IKZF1: variants seen among roughly 807,000 people sequenced by gnomAD.
The protein encoded by IKZF1 is IKAROS family zinc finger 1, also known as DNA-binding protein Ikaros.
Under a neutral mutation model 51.7 loss-of-function variants are expected in IKZF1, and 10 were observed. That is an observed-to-expected ratio of 0.19 (90% CI 0.12 to 0.33). The LOEUF (loss-of-function observed/expected upper bound fraction) is 0.33, where lower values mean the gene tolerates loss of function less well. Among genes scored for constraint, IKZF1 ranks in the 10% least tolerant of loss-of-function variants. The pLI is 1.00. For synonymous variants in IKZF1, 280 were observed against 282.3 expected (o/e 0.99, Z 0.08); for missense variants, 484 against 707.5 (o/e 0.68, Z 3.58).
intron 3 of IKZF1, among the ~76,000 whole-genome samples, chr7:50,347,215 A>G (rs898852736): frequency 4.6e-5 from 7 of 152,222 alleles, no homozygotes; most frequent in African/African-American, 1.4e-4. Flanking sequence ...CCACAGCTCC[A>G]TGAGATGCCT....
intron 3 of IKZF1, among the ~76,000 whole-genome samples, chr7:50,363,378 A>C (rs1266957804): frequency 6.6e-6 from 1 of 152,134 alleles, no homozygotes; most frequent in Admixed American, 6.5e-5. Context: ...GACCCTTGAC[A>C]TCTGAAAAGA....
chr7:50,355,779 G>A (rs974219769), intron 3 of IKZF1, among the ~76,000 whole-genome samples: 4 of 152,156 alleles, frequency 2.6e-5, no homozygotes, highest in Non-Finnish European at 2.9e-5. Flanking sequence ...TAAGGAAGAG[G>A]GAAAGCGGTG....
In IKZF1 at chr7:50,332,471, T is replaced by C. The variant is rs1320605007; in HGVS notation, c.160+4714T>C. Among the ~76,000 whole-genome samples, 4 of 151,660 alleles carry C rather than the reference T, an allele frequency of 2.6e-5. No individual in the cohort carries two copies. In the East Asian group the frequency reaches 7.8e-4, roughly 30 times the overall value. ...ATGAAATCAGGCAGCAGGGGAGGCG[T>C]TTGGGTGGGTGGAACAGAGGAGCAA... is the stretch of plus-strand genomic sequence containing the variant. On this transcript the variant is annotated intron_variant, in intron 3 of 7. Transcript: ENST00000331340.
chr7:50,376,429 A>G lies in IKZF1; in HGVS notation c.161-104A>G. ...TGGTATTTGCTAAGAACTTCTGTTT[A>G]GTAGCTCTCCACACCTATTTGATTG... On this transcript the variant is annotated intron_variant, in intron 3 of 7. Transcript: ENST00000331340. The surrounding 1 kb of genome is among the most constrained non-coding windows in gnomAD (Gnocchi z 4.5). The G allele has an allele frequency of 6.6e-7, 1 of 1,522,838 alleles. No homozygotes were observed. The allele number at this position is 1,522,838 out of a possible 1,614,324, so 94.3% of individuals were successfully genotyped here. A position where few individuals can be genotyped will look rare whatever the true frequency, so the allele number is the denominator to read the frequency against.
intron 7 of IKZF1, among the ~76,000 whole-genome samples, chr7:50,397,498 C>T (rs1817017890): frequency 1.3e-5 from 2 of 152,130 alleles, no homozygotes; most frequent in Non-Finnish European, 2.9e-5. Context: ...AGAACCATGA[C>T]TTGGGGAGAG....
intron 3 of IKZF1, among the ~76,000 whole-genome samples, chr7:50,365,077 G>A (rs1330114927): frequency 6.6e-6 from 1 of 152,198 alleles, no homozygotes; most frequent in African/African-American, 2.4e-5. Flanking sequence ...ATCTTCCAGT[G>A]CCTCTCAAGC....
At chr7:50,333,073 C>T (rs1314338479) in intron 3 of IKZF1, among the ~76,000 whole-genome samples, 2 of 146,768 alleles carry the variant, frequency 1.4e-5, no homozygotes, top group African/African-American at 5.3e-5. Context: ...TTGATTTACC[C>T]TAGCCTAATT....
chr7:50,336,343 C>T lies in IKZF1; in HGVS notation c.160+8586C>T, dbSNP rs918645417. 1.7e-4 allele frequency among the ~76,000 whole-genome samples: 26 copies of T among 152,134 alleles called. No homozygotes were observed. The East Asian group carries it at 4.9e-3, about 28-fold the overall frequency. ...ACGCATGTGCTGGTGAAGGGGCGTG[C>T]GTGGGGACCATGGGTCACATCTCGG... On this transcript the variant is annotated intron_variant, in intron 3 of 7. Coordinates refer to ENST00000331340, the MANE Select transcript of IKZF1 (RefSeq NM_006060.6).
chr7:50,314,582 A>G (rs950792517), intron 1 of IKZF1, among the ~76,000 whole-genome samples: 1 of 152,262 alleles, frequency 6.6e-6, no homozygotes, highest in Non-Finnish European at 1.5e-5. Context: ...GATTCTTGAC[A>G]GGCATCTATC....
chr7:50,386,814 C>G (rs1045706211), intron 5 of IKZF1, among the ~76,000 whole-genome samples: 1 of 152,134 alleles, frequency 6.6e-6, no homozygotes, highest in East Asian at 1.9e-4. Context: ...TTATTTCATT[C>G]AAGCATATTT....
At chr7:50,311,482 C>A (rs1473302194) in intron 1 of IKZF1, among the ~76,000 whole-genome samples, 1 of 152,156 alleles carries the variant, frequency 6.6e-6, no homozygotes, top group Non-Finnish European at 1.5e-5. Flanking sequence ...ATCATGACTT[C>A]AGGTTATTTT....
intron 3 of IKZF1, among the ~76,000 whole-genome samples, chr7:50,345,454 A>T (rs537328313): frequency 6.6e-6 from 1 of 152,090 alleles, no homozygotes; most frequent in South Asian, 2.1e-4. Flanking sequence ...CTTGCACCAC[A>T]CTCTAGGTTT....
At chr7:50,315,201 G>A (rs1483042807) in intron 1 of IKZF1, among the ~76,000 whole-genome samples, 2 of 152,222 alleles carry the variant, frequency 1.3e-5, no homozygotes, top group Non-Finnish European at 2.9e-5. Context: ...GAAAGGAGAA[G>A]GACAGAGAGA....
At chr7:50,392,695 G>A (rs1276972206) in intron 7 of IKZF1, among the ~76,000 whole-genome samples, 5 of 152,220 alleles carry the variant, frequency 3.3e-5, no homozygotes, top group Non-Finnish European at 7.3e-5. Context: ...GAATCCCTCG[G>A]TGTGAAGGTT....
intron 2 of IKZF1, among the ~76,000 whole-genome samples, chr7:50,323,536 A>T (rs1223834583): frequency 6.6e-6 from 1 of 152,238 alleles, no homozygotes; most frequent in Non-Finnish European, 1.5e-5. Flanking sequence ...TTTTCCCAGA[A>T]CACTTCTCAT....
At chr7:50,399,204 C>T (rs1273457245) in intron 7 of IKZF1, among the ~76,000 whole-genome samples, 1 of 152,202 alleles carries the variant, frequency 6.6e-6, no homozygotes, top group Non-Finnish European at 1.5e-5. Flanking sequence ...TACCCTCCAC[C>T]ACATGTTTCT....
chr7:50,325,707 C>T (rs756551133), intron 2 of IKZF1, among the ~76,000 whole-genome samples: 1 of 151,402 alleles, frequency 6.6e-6, no homozygotes, highest in Non-Finnish European at 1.5e-5. Flanking sequence ...CCTGGGAGGC[C>T]GAGCTTGCAG....
rs1490513744 is a variant in IKZF1, at chr7:50,389,336, T to C, written c.715+1866T>C. 4.6e-5 allele frequency among the ~76,000 whole-genome samples: 7 copies of C among 152,340 alleles called. No individual in the cohort carries two copies. The East Asian group carries it at 1.2e-3, about 25-fold the overall frequency. The stretch of plus-strand genomic sequence containing the variant: ...CATACTGACACCATCAAGCTAATTC[T>C]TCTCTATTGGTCTCTATGTCAGTAA... On this transcript the variant is annotated intron_variant, in intron 6 of 7. Transcript: ENST00000331340.
Position 50,327,606 on chromosome 7 carries a change from G to T in IKZF1, c.41-32G>T, listed in dbSNP as rs749183592. 6.1e-5 allele frequency: 96 copies of T among 1,576,770 alleles called. 1 individual carries two copies. Among genetic ancestry groups the T allele is most frequent in the Non-Finnish European group, 7.5e-5 (87 of 1,160,826 alleles). On this transcript the variant is annotated intron_variant, in intron 2 of 7. Transcript: ENST00000331340. ...AAGCCCAGGCACCTTGACCATGACC[G>T]CCCGAGACTCACACTTCTTCTTTCT... is the stretch of plus-strand genomic sequence containing the variant.
Sources: gnomAD v4.1 joint callset for allele counts (sites outside exome capture counted in the v4.1 genomes callset) on GRCh38, gnomAD v4.1.1 for gene constraint, Gnocchi (gnomAD v3.1) non-coding constraint, MANE v1.5 for transcripts, NCBI Gene and HGNC (gene_info 2026-07-23, HGNC 2026-07-21) for gene names.